STK10: variants seen among roughly 807,000 people sequenced by gnomAD.
STK10 encodes serine/threonine kinase 10.
A neutral mutation model predicts 113.8 loss-of-function variants in STK10; 78 were observed. The ratio of observed to expected loss-of-function variants is 0.69; its 90% confidence interval spans 0.57 to 0.83. The LOEUF (loss-of-function observed/expected upper bound fraction) is 0.83, where lower values mean the gene tolerates loss of function less well. Among genes scored for constraint, STK10 ranks in the 40% least tolerant of loss-of-function variants. The pLI, the probability that STK10 is intolerant of heterozygous loss-of-function variation, is 0.00. For missense variants in STK10, 1,109 were observed against 1,280.1 expected (o/e 0.87, Z 2.04); for synonymous variants, 465 against 494.7 (o/e 0.94, Z 0.80).
intron 2 of STK10, among the ~76,000 whole-genome samples, chr5:172,139,082 G>A (rs537012187): frequency 9.9e-5 from 15 of 152,224 alleles, no homozygotes; most frequent in African/African-American, 2.6e-4. Context: ...TTTATGGACC[G>A]GAAGACTTAA....
intron 2 of STK10, among the ~76,000 whole-genome samples, chr5:172,139,519 G>T (rs1322095844): frequency 6.6e-6 from 1 of 151,024 alleles, no homozygotes; most frequent in Non-Finnish European, 1.5e-5. Flanking sequence ...AGAAAAGAGA[G>T]AGGGAGTCCA....
chr5:172,142,027 C>T (rs1448072717), intron 2 of STK10, among the ~76,000 whole-genome samples: 1 of 152,172 alleles, frequency 6.6e-6, no homozygotes, highest in Non-Finnish European at 1.5e-5. Flanking sequence ...GGGAATACAG[C>T]AGTGAAAAAA....
Position 172,055,890 on chromosome 5 carries a change from A to G in STK10, c.2338-114T>C, listed in dbSNP as rs972538325. On this transcript the variant is annotated intron_variant, in intron 15 of 18. Coordinates refer to ENST00000176763, the MANE Select transcript of STK10 (RefSeq NM_005990.4). Reference sequence around the variant, plus strand: ...GGGGCCCAGGACCAACGCAGCCCACAATGTTCAGCAGATCAAGGCTGGTGT... The same window carrying G: ...GGGGCCCAGGACCAACGCAGCCCACGATGTTCAGCAGATCAAGGCTGGTGT... 6.2e-6 allele frequency: 5 copies of G among 803,162 alleles called. No homozygotes were observed. The East Asian group carries it at 1.3e-4, about 20-fold the overall frequency. The allele number at this position is 803,162 out of a possible 1,614,324, so 49.8% of individuals were successfully genotyped here.
At chr5:172,111,394 A>C (rs971229789) in intron 4 of STK10, among the ~76,000 whole-genome samples, 2 of 151,988 alleles carry the variant, frequency 1.3e-5, no homozygotes, top group Non-Finnish European at 2.9e-5. Flanking sequence ...ACCAACGTGC[A>C]ATGACACACC....
At chr5:172,134,548 C>T (rs1369376342) in intron 2 of STK10, among the ~76,000 whole-genome samples, 3 of 151,928 alleles carry the variant, frequency 2.0e-5, no homozygotes, top group Admixed American at 1.3e-4. Context: ...GCACAAGCAA[C>T]CAAAGAAAAA....
chr5:172,057,275 A>G, intron 15 of STK10, 74 bp downstream of exon 15: 1 of 1,538,346 alleles, frequency 6.5e-7, no homozygotes, highest in Non-Finnish European at 8.7e-7. Flanking sequence ...GAGGTGCCCC[A>G]TCACATACAG....
intron 4 of STK10, among the ~76,000 whole-genome samples, chr5:172,114,034 A>G (rs1354167429): frequency 2.0e-5 from 3 of 152,160 alleles, no homozygotes; most frequent in African/African-American, 7.2e-5. Context: ...TATATCTATG[A>G]CCCTTTAAGG....
chr5:172,094,054 G>T, intron 8 of STK10, 94 bp from the exon 9 acceptor site: 1 of 1,013,920 alleles, frequency 9.9e-7, no homozygotes, highest in Non-Finnish European at 1.3e-6. Context: ...ACACCCTCAA[G>T]ATGAAGTGGG....
intron 2 of STK10, among the ~76,000 whole-genome samples, chr5:172,155,982 G>A (rs1186065516): frequency 1.3e-5 from 2 of 151,430 alleles, no homozygotes; most frequent in African/African-American, 4.9e-5. Context: ...GCAACAGAAC[G>A]AGGCTCCATC....
chr5:172,180,342 G>C (rs112967848), intron 1 of STK10, among the ~76,000 whole-genome samples: 2 of 152,042 alleles, frequency 1.3e-5, no homozygotes, highest in Non-Finnish European at 2.9e-5. Context: ...GCGGGCGCCT[G>C]TAATCCCAGC....
intron 10 of STK10, among the ~76,000 whole-genome samples, chr5:172,084,970 C>T (rs114431841): frequency 0.016 from 2,417 of 152,046 alleles, 73 homozygotes; most frequent in African/African-American, 0.054. Context: ...CTAGGCCATG[C>T]GTGGTGGCCC....
chr5:172,148,122 G>A (rs976987031), intron 2 of STK10, among the ~76,000 whole-genome samples: 3 of 152,082 alleles, frequency 2.0e-5, no homozygotes, highest in Non-Finnish European at 1.5e-5. Flanking sequence ...CTGCCAGCTG[G>A]GTTTCCAACC....
rs191205336 is a variant in STK10 at position 172,140,900 on chromosome 5, T to C, written c.322-13479A>G. On this transcript the variant is annotated intron_variant, in intron 2 of 18. Coordinates refer to ENST00000176763, the MANE Select transcript of STK10 (RefSeq NM_005990.4). ...CCAAGAGATGAATGGATAAAGAAAA[T>C]GTAGTATGTACACACAATGGATCCC... Among the ~76,000 whole-genome samples the C allele has an allele frequency of 4.2e-3, 634 of 150,638 alleles. 4 individuals are homozygous for C. Among genetic ancestry groups the C allele is most frequent in the African/African-American group, 0.015 (602 of 41,076 alleles).
chr5:172,107,772 CG>C lies in STK10; in HGVS notation c.593+7del, dbSNP rs771666098. The C allele has an allele frequency of 5.6e-6, 9 of 1,613,788 alleles. No individual in the cohort carries two copies. The South Asian group carries it at 9.9e-5, about 18-fold the overall frequency. ...GTCCATTCCATTTCCAGAAGCTACACGACTCACCAGTAAGGCGTGCCGATGA... is the reference window on the plus strand; with the variant it reads ...GTCCATTCCATTTCCAGAAGCTACACACTCACCAGTAAGGCGTGCCGATGA... On this transcript the variant is annotated splice_region_variant and intron_variant, in intron 5 of 18. Transcript: ENST00000176763.
intron 2 of STK10, among the ~76,000 whole-genome samples, chr5:172,148,691 G>A (rs560545051): frequency 6.6e-6 from 1 of 152,322 alleles, no homozygotes; most frequent in East Asian, 1.9e-4. Flanking sequence ...GGAAGGGTGG[G>A]GGTCACAGAT....
intron 12 of STK10, among the ~76,000 whole-genome samples, chr5:172,065,680 C>A (rs1317611581): frequency 6.6e-6 from 1 of 152,176 alleles, no homozygotes; most frequent in African/African-American, 2.4e-5. Context: ...GAGATAAGCA[C>A]GTGACCCTCA....
chr5:172,063,126 T>C (rs1028875804), intron 13 of STK10, among the ~76,000 whole-genome samples: 1 of 152,038 alleles, frequency 6.6e-6, no homozygotes, highest in Admixed American at 6.6e-5. Flanking sequence ...GGCAGGCACC[T>C]GTAGTCCCAG....
intron 1 of STK10, among the ~76,000 whole-genome samples, chr5:172,162,225 C>T (rs1770486099): frequency 6.6e-6 from 1 of 152,054 alleles, no homozygotes; most frequent in African/African-American, 2.4e-5. Context: ...CCTGTAATCC[C>T]AGCTACTCGG....
At chr5:172,060,558 C>T (rs1200541167) in intron 14 of STK10, among the ~76,000 whole-genome samples, 2 of 152,198 alleles carry the variant, frequency 1.3e-5, no homozygotes, top group East Asian at 1.9e-4. Context: ...CTCTCCAGAC[C>T]ACAAATGTGC....
Sources: gnomAD v4.1 joint callset for allele counts (sites outside exome capture counted in the v4.1 genomes callset) on GRCh38, gnomAD v4.1.1 for gene constraint, MANE v1.5 for transcripts, NCBI Gene and HGNC (gene_info 2026-07-23, HGNC 2026-07-21) for gene names.